The following CACNA1A variants were observed in gnomAD, a reference collection of about 807,000 sequenced individuals.
CACNA1A encodes the protein calcium voltage-gated channel subunit alpha1 A.
CACNA1A carries 57 observed loss-of-function variants against 262.4 expected under a neutral mutation model. That is an observed-to-expected ratio of 0.22 (90% CI 0.18 to 0.27). CACNA1A has a LOEUF of 0.27. Among genes scored for constraint, CACNA1A ranks in the 10% least tolerant of loss-of-function variants. CACNA1A has a pLI of 1.00. For missense variants in CACNA1A, 2,526 were observed against 3,562.8 expected, an observed-to-expected ratio of 0.71 and a Z score of 7.41; for synonymous variants, 1,431 against 1,419.3, an observed-to-expected ratio of 1.01 and a Z score of -0.18.
At chr19:13,286,433 AC>A in intron 20 of CACNA1A, 69 bp downstream of exon 20, 1 of 718,002 alleles carries the variant, frequency 1.4e-6, no homozygotes, top group East Asian at 2.7e-5. Flanking sequence ...GTCCAGGGTC[AC>A]TCAGCAGAGC....
chr19:13,329,224 G>C (rs914424697), intron 10 of CACNA1A, among the ~76,000 whole-genome samples: 1 of 152,046 alleles, frequency 6.6e-6, no homozygotes, highest in Non-Finnish European at 1.5e-5. Context: ...TGGTGGCAAA[G>C]GTCTGAGCCC....
intron 1 of CACNA1A, among the ~76,000 whole-genome samples, chr19:13,478,468 T>C (rs1180644659): frequency 6.6e-6 from 1 of 152,066 alleles, no homozygotes; most frequent in East Asian, 1.9e-4. Context: ...CAGGCATGCA[T>C]TGCCACGTCC....
At chr19:13,434,517 C>T (rs34088054) in intron 3 of CACNA1A, among the ~76,000 whole-genome samples, 5,516 of 152,200 alleles carry the variant, frequency 0.036, 141 homozygotes, top group Non-Finnish European at 0.057. Flanking sequence ...GGCAGATTTC[C>T]GCCTTGGTGC....
intron 1 of CACNA1A, among the ~76,000 whole-genome samples, chr19:13,498,257 A>C (rs560769846): frequency 3.1e-4 from 47 of 152,246 alleles, no homozygotes; most frequent in African/African-American, 1.1e-3. Context: ...TTGAAGACAA[A>C]TCCATCCACT....
intron 6 of CACNA1A, among the ~76,000 whole-genome samples, chr19:13,337,941 C>T (rs975483186): frequency 1.1e-4 from 16 of 152,110 alleles, no homozygotes; most frequent in African/African-American, 3.4e-4. Flanking sequence ...AAAAACAGGC[C>T]GGGTGCGGTG....
intron 1 of CACNA1A, among the ~76,000 whole-genome samples, chr19:13,481,572 TG>T (rs1184326905): frequency 6.6e-6 from 1 of 152,066 alleles, no homozygotes; most frequent in Non-Finnish European, 1.5e-5. Flanking sequence ...TTACAGCCGC[TG>T]GGCTGACCCT....
rs142553272 is a variant in CACNA1A at position 13,221,976 on chromosome 19, G to A, written c.5731+2691C>T. 8.3e-3 allele frequency among the ~76,000 whole-genome samples: 1,269 copies of A among 151,994 alleles called. 20 individuals carry two copies. Among genetic ancestry groups the A allele is most frequent in the African/African-American group, 0.029 (1,216 of 41,448 alleles). On this transcript the variant is annotated intron_variant, in intron 38 of 46. Coordinates refer to ENST00000360228, the MANE Select transcript of CACNA1A (RefSeq NM_001127222.2). ...GGCTAAAGTGCAGTGATGTGATCTC[G>A]GCTCACTGCAATCTCTGCCTCCCGG...
chr19:13,465,894 G>A (rs1006029646), intron 1 of CACNA1A, among the ~76,000 whole-genome samples: 1 of 152,150 alleles, frequency 6.6e-6, no homozygotes, highest in Non-Finnish European at 1.5e-5. Context: ...TGGTTTATCT[G>A]TTCATCCATG....
At chr19:13,259,462 A>G in intron 27 of CACNA1A, 102 bp downstream of exon 27, 2 of 1,171,140 alleles carry the variant, frequency 1.7e-6, no homozygotes, top group Non-Finnish European at 2.4e-6. Context: ...GTGAGCCACC[A>G]TGCCCGGCCT....
At chr19:13,490,171 C>CCACG (rs1980583422) in intron 1 of CACNA1A, among the ~76,000 whole-genome samples, 1 of 152,176 alleles carries the variant, frequency 6.6e-6, no homozygotes, top group Admixed American at 6.5e-5. Context: ...TTACTATGTG[C>CCACG]CACGCATGAT....
At chr19:13,222,243 C>T (rs1181256911) in intron 38 of CACNA1A, among the ~76,000 whole-genome samples, 1 of 151,724 alleles carries the variant, frequency 6.6e-6, no homozygotes, top group Non-Finnish European at 1.5e-5. Flanking sequence ...GGTTTTGCCA[C>T]GTTGGCCAGG....
chr19:13,372,120 G>T (rs2144561324), intron 3 of CACNA1A, among the ~76,000 whole-genome samples: 1 of 152,210 alleles, frequency 6.6e-6, no homozygotes, highest in South Asian at 2.1e-4. Context: ...CTGGGGCCCT[G>T]GGGGAATGGC....
intron 38 of CACNA1A, among the ~76,000 whole-genome samples, chr19:13,222,600 T>C (rs1287044424): frequency 6.6e-6 from 1 of 151,518 alleles, no homozygotes; most frequent in Non-Finnish European, 1.5e-5. Context: ...TTTCACCGTG[T>C]TACCCAGGAT....
chr19:13,399,527 G>A (rs976985015), intron 3 of CACNA1A, among the ~76,000 whole-genome samples: 12 of 151,928 alleles, frequency 7.9e-5, no homozygotes. Context: ...GCAGAAAAAA[G>A]TTCCCAAATC....
chr19:13,222,154 G>A (rs973963208), intron 38 of CACNA1A, among the ~76,000 whole-genome samples: 3 of 151,492 alleles, frequency 2.0e-5, no homozygotes, highest in Non-Finnish European at 2.9e-5. Context: ...TGATCCACCC[G>A]CTTCAGCCTC....
intron 6 of CACNA1A, among the ~76,000 whole-genome samples, chr19:13,338,780 T>C (rs984260905): frequency 4.6e-5 from 7 of 152,212 alleles, no homozygotes; most frequent in Non-Finnish European, 7.3e-5. Flanking sequence ...GCTGGTTACA[T>C]GGATGTGTTT....
intron 11 of CACNA1A, chr19:13,316,042 C>G (rs1187374174): frequency 6.6e-6 from 1 of 152,224 alleles, no homozygotes; most frequent in African/African-American, 2.4e-5. Context: ...ACTGCAACCT[C>G]TGCCTCCTGG....
chr19:13,214,706 A>G lies in CACNA1A; in HGVS notation c.5732-98T>C, dbSNP rs1198523951. The G allele has an allele frequency of 5.5e-6, 5 of 909,940 alleles. No homozygotes were observed. The African/African-American group carries it at 8.2e-5, about 15-fold the overall frequency. 56.4% of individuals were successfully genotyped at this position (909,940 alleles called of 1,614,324 possible). A position where few individuals can be genotyped will look rare whatever the true frequency, so the allele number is the denominator to read the frequency against. ...CATAGGCTCCCGAGAACGAGACCCC[A>G]ATCTTTCTGGTCCCCATGGGGTCTC... On this transcript the variant is annotated intron_variant, in intron 38 of 46. Coordinates refer to ENST00000360228, the MANE Select transcript of CACNA1A (RefSeq NM_001127222.2). This position sits in a 1 kb window ranked among gnomAD's most constrained non-coding sequence, Gnocchi z 4.1.
At chr19:13,349,478 G>A (rs901682889) in intron 6 of CACNA1A, among the ~76,000 whole-genome samples, 1 of 152,158 alleles carries the variant, frequency 6.6e-6, no homozygotes, top group African/African-American at 2.4e-5. Flanking sequence ...TGGCTTTTCT[G>A]AGCCACATGG....
Sources: allele counts gnomAD v4.1 joint callset (sites outside exome capture counted in the v4.1 genomes callset), GRCh38; gene constraint gnomAD v4.1.1; non-coding constraint Gnocchi (gnomAD v3.1); transcripts MANE v1.5; gene names NCBI Gene and HGNC (gene_info 2026-07-23, HGNC 2026-07-21).